TRPM3: variants seen among roughly 807,000 people sequenced by gnomAD.
TRPM3 encodes the protein transient receptor potential cation channel subfamily M member 3, also known as long transient receptor potential channel 3.
TRPM3 carries 77 observed loss-of-function variants against 181.2 expected under a neutral mutation model. The ratio of observed to expected loss-of-function variants is 0.42; its 90% CI spans 0.35 to 0.51. TRPM3 has a LOEUF of 0.51. TRPM3 is among the 20% of genes least tolerant of loss of function. The pLI is 0.01. For missense variants in TRPM3, 1,759 were observed against 2,196.7 expected (o/e 0.80, Z 3.98); for synonymous variants, 745 against 796.4 (o/e 0.94, Z 1.09).
intron 1 of TRPM3, among the ~76,000 whole-genome samples, chr9:71,266,617 G>A (rs898783310): frequency 2.6e-5 from 4 of 152,010 alleles, no homozygotes; most frequent in Non-Finnish European, 5.9e-5. Context: ...ATTTTATTGT[G>A]GTAAGAATAC....
At chr9:70,793,885 T>C (rs1213615705) in intron 6 of TRPM3, among the ~76,000 whole-genome samples, 1 of 152,140 alleles carries the variant, frequency 6.6e-6, no homozygotes, top group Non-Finnish European at 1.5e-5. Flanking sequence ...TAATAGACTT[T>C]GTGTTAGATG....
At chr9:70,779,557 G>C (rs1328144) in intron 7 of TRPM3, among the ~76,000 whole-genome samples, 121,184 of 152,008 alleles carry the variant, frequency 0.8, 48,846 homozygotes, top group East Asian at 0.93. Flanking sequence ...CTTCGGTTGA[G>C]CATTATCAGG....
chr9:71,155,936 C>A (rs965629833), intron 1 of TRPM3, among the ~76,000 whole-genome samples: 2 of 152,026 alleles, frequency 1.3e-5, no homozygotes, highest in African/African-American at 4.8e-5. Context: ...CAAGTATAGG[C>A]CAGTTACAAA....
intron 1 of TRPM3, among the ~76,000 whole-genome samples, chr9:71,351,852 G>C (rs2091643340): frequency 7.0e-6 from 1 of 143,506 alleles, no homozygotes; most frequent in Non-Finnish European, 1.5e-5. Context: ...GAAATGGGAA[G>C]TTTTTGTTTG....
intron 8 of TRPM3, among the ~76,000 whole-genome samples, chr9:70,687,465 T>C (rs1450196146): frequency 6.6e-6 from 1 of 152,224 alleles, no homozygotes; most frequent in South Asian, 2.1e-4. Context: ...TGTTTGCAAC[T>C]GGGTAGTTGA....
At chr9:71,262,195 C>G (rs1193552606) in intron 1 of TRPM3, among the ~76,000 whole-genome samples, 1 of 152,174 alleles carries the variant, frequency 6.6e-6, no homozygotes, top group Non-Finnish European at 1.5e-5. Flanking sequence ...TGCTGCCTTT[C>G]TTTCAGAGAT....
intron 1 of TRPM3, among the ~76,000 whole-genome samples, chr9:70,988,104 T>A (rs1343848514): frequency 3.9e-5 from 6 of 152,320 alleles, no homozygotes; most frequent in Non-Finnish European, 7.4e-5. Context: ...GTCACTGAAA[T>A]TCTTTGGAAT....
intron 1 of TRPM3, among the ~76,000 whole-genome samples, chr9:71,040,271 C>T (rs1166005979): frequency 6.6e-6 from 1 of 152,182 alleles, no homozygotes; most frequent in East Asian, 1.9e-4. Context: ...TTGCAAAGCA[C>T]ATACTATTTC....
At chr9:71,182,754 G>A (rs1185979876) in intron 1 of TRPM3, among the ~76,000 whole-genome samples, 3 of 152,144 alleles carry the variant, frequency 2.0e-5, no homozygotes, top group Non-Finnish European at 2.9e-5. Flanking sequence ...CTCCAACGCC[G>A]TGGTTCAAGG....
chr9:71,167,551 T>G (rs1009208250), intron 1 of TRPM3, among the ~76,000 whole-genome samples: 1 of 152,170 alleles, frequency 6.6e-6, no homozygotes, highest in African/African-American at 2.4e-5. Flanking sequence ...CTCTGCCACA[T>G]AGTAATAACA....
Position 70,846,380 on chromosome 9 carries a change from G to T in TRPM3, c.674C>A (p.Thr225Lys). The T allele has an allele frequency of 6.2e-7, 1 of 1,613,558 alleles. No individual in the cohort carries two copies. Among genetic ancestry groups the T allele is most frequent in the Non-Finnish European group, 8.5e-7 (1 of 1,179,544 alleles). ...GAWIFTGGVN[T>K]GVIRHVGDAL... ...TTCTCTGTTCCACTTGCAATTACCT[G>T]TGTTAACCCCTCCAGTGAATATCCA... The change falls in exon 4 of 26, where the codon ACA becomes AAA. Residue 225 changes from threonine to lysine, a missense_variant and splice_region_variant. By Grantham distance (78) the Thr-to-Lys change is moderately conservative. Transcript: ENST00000677713.
chr9:71,383,269 T>C (rs1323804412), intron 1 of TRPM3, among the ~76,000 whole-genome samples: 1 of 152,184 alleles, frequency 6.6e-6, no homozygotes, highest in Non-Finnish European at 1.5e-5. Context: ...CGCGTTGAAA[T>C]ATGTATCATT....
intron 1 of TRPM3, among the ~76,000 whole-genome samples, chr9:71,420,985 A>AAAAGAGAGAG (rs1563912491): frequency 1.0e-5 from 1 of 99,704 alleles, no homozygotes; most frequent in African/African-American, 4.7e-5. Context: ...AAGAGAGAGA[A>AAAAGAGAGAG]AAAGAGAGAG....
intron 1 of TRPM3, among the ~76,000 whole-genome samples, chr9:71,399,173 T>G (rs541275991): frequency 1.3e-5 from 2 of 152,248 alleles, no homozygotes; most frequent in African/African-American, 4.8e-5. Context: ...GAGACTAAGA[T>G]AGTATAATTA....
chr9:71,044,124 C>T (rs1215285298), intron 1 of TRPM3, among the ~76,000 whole-genome samples: 1 of 152,118 alleles, frequency 6.6e-6, no homozygotes, highest in East Asian at 1.9e-4. Flanking sequence ...TCTGATTCAT[C>T]TCTATGATCT....
intron 1 of TRPM3, among the ~76,000 whole-genome samples, chr9:71,149,082 G>A (rs956670087): frequency 6.6e-6 from 1 of 152,018 alleles, no homozygotes; most frequent in Non-Finnish European, 1.5e-5. Context: ...TAAAGAGAAG[G>A]ATGGCGGGAA....
At chr9:70,996,575 G>A (rs940500966) in intron 1 of TRPM3, among the ~76,000 whole-genome samples, 2 of 152,214 alleles carry the variant, frequency 1.3e-5, no homozygotes, top group Non-Finnish European at 2.9e-5. Context: ...TATGTGCAAG[G>A]CCAACAGTGA....
At chr9:70,626,034 T>G (rs2064527968) in intron 12 of TRPM3, among the ~76,000 whole-genome samples, 1 of 152,188 alleles carries the variant, frequency 6.6e-6, no homozygotes, top group South Asian at 2.1e-4. Flanking sequence ...GAGTATTTAT[T>G]TTTCTAGAAT....
chr9:71,198,164 C>G (rs1004454137), intron 1 of TRPM3, among the ~76,000 whole-genome samples: 1 of 151,240 alleles, frequency 6.6e-6, no homozygotes, highest in African/African-American at 2.4e-5. Flanking sequence ...TCAGGTTTGT[C>G]AAAGATCAGA....
Sources: gnomAD v4.1 joint callset for allele counts (sites outside exome capture counted in the v4.1 genomes callset) on GRCh38, gnomAD v4.1.1 for gene constraint, MANE v1.5 for transcripts, NCBI Gene and HGNC (gene_info 2026-07-23, HGNC 2026-07-21) for gene names.